The following COL21A1 variants were observed in gnomAD, a reference collection of about 807,000 sequenced individuals.
COL21A1 encodes the protein collagen type XXI alpha 1 chain.
Under a neutral mutation model 137.9 loss-of-function variants are expected in COL21A1, and 149 were observed. The ratio of observed to expected loss-of-function variants is 1.08; its 90% CI spans 0.95 to 1.24. The LOEUF is 1.24. Ranked by LOEUF, COL21A1 falls within the 50% of genes most tolerant of loss-of-function variation. The probability of loss-of-function intolerance (pLI) is 0.00; values close to 1 mark genes in which losing one functional copy is unlikely to be tolerated. For synonymous variants in COL21A1, 456 were observed against 391.5 expected (o/e 1.16, Z -1.95); for missense variants, 1,167 against 1,158.4 (o/e 1.01, Z -0.11).
chr6:56,236,184 T>C (rs1264576694), intron 1 of COL21A1, among the ~76,000 whole-genome samples: 1 of 151,972 alleles, frequency 6.6e-6, no homozygotes, highest in Non-Finnish European at 1.5e-5. Flanking sequence ...GGTTTCAGAA[T>C]ATGATGTTCC....
chr6:56,311,166 T>C (rs1274040104), intron 1 of COL21A1, among the ~76,000 whole-genome samples: 1 of 152,226 alleles, frequency 6.6e-6, no homozygotes, highest in Non-Finnish European at 1.5e-5. Flanking sequence ...ACAATGACCC[T>C]TTTCCTGGCC....
chr6:56,240,567 T>C (rs1782233984), intron 1 of COL21A1, among the ~76,000 whole-genome samples: 1 of 152,230 alleles, frequency 6.6e-6, no homozygotes, highest in Non-Finnish European at 1.5e-5. Context: ...AAGGATCCAA[T>C]GACTTCATGC....
Position 56,168,302 on chromosome 6 carries a change from A to G in COL21A1, c.1027-5T>C, listed in dbSNP as rs1776756000. The G allele has an allele frequency of 6.6e-7, 1 of 1,525,382 alleles. No individual in the cohort carries two copies. The highest frequency in any genetic ancestry group is 8.9e-7 in the Non-Finnish European group (1 of 1,128,970). 94.5% of individuals were successfully genotyped at this position (1,525,382 alleles called of 1,614,324 possible). A position where few individuals can be genotyped will look rare whatever the true frequency, so the allele number is the denominator to read the frequency against. ...CCAGCCTTCATCAAACAACGTCTAC[A>G]AAAAGAAAGTGTGGAAGATTCATAA... On this transcript the variant is annotated splice_region_variant and splice_polypyrimidine_tract_variant and intron_variant, in intron 5 of 29. Transcript: ENST00000244728.
intron 1 of COL21A1, among the ~76,000 whole-genome samples, chr6:56,359,883 C>T (rs913302830): frequency 5.9e-5 from 9 of 152,122 alleles, no homozygotes; most frequent in Non-Finnish European, 1.2e-4. Context: ...AAACATATTC[C>T]TTAATCTAAT....
At chr6:56,285,501 G>A (rs1208704656) in intron 1 of COL21A1, among the ~76,000 whole-genome samples, 1 of 152,096 alleles carries the variant, frequency 6.6e-6, no homozygotes, top group Non-Finnish European at 1.5e-5. Context: ...GGTAAATGTA[G>A]GTAAAACAAT....
chr6:56,106,171 C>A (rs555590804), intron 16 of COL21A1, among the ~76,000 whole-genome samples: 128 of 152,256 alleles, frequency 8.4e-4, no homozygotes, highest in African/African-American at 3.0e-3. Context: ...ATTCTCCAAT[C>A]AACAAAAGCT....
chr6:56,142,674 A>C (rs553556311), intron 10 of COL21A1, among the ~76,000 whole-genome samples: 2 of 152,340 alleles, frequency 1.3e-5, no homozygotes, highest in East Asian at 3.9e-4. Flanking sequence ...TAAAGTCTCC[A>C]AATTAACTTG....
chr6:56,075,928 C>T (rs1767194046), intron 18 of COL21A1, among the ~76,000 whole-genome samples: 1 of 151,416 alleles, frequency 6.6e-6, no homozygotes, highest in South Asian at 2.1e-4. Context: ...CTTCAACTTC[C>T]AGGGATGCGG....
intron 17 of COL21A1, among the ~76,000 whole-genome samples, chr6:56,085,058 C>T (rs1323623988): frequency 6.6e-6 from 1 of 151,964 alleles, no homozygotes; most frequent in Non-Finnish European, 1.5e-5. Context: ...GCTAGGAATT[C>T]GACATTTGGC....
At chr6:56,189,339 T>G (rs1778509566) in intron 1 of COL21A1, among the ~76,000 whole-genome samples, 1 of 151,366 alleles carries the variant, frequency 6.6e-6, no homozygotes, top group Non-Finnish European at 1.5e-5. Context: ...TATCAATAGC[T>G]GAATCAATCA....
At chr6:56,126,066 C>G in intron 13 of COL21A1, 30 bp downstream of exon 13, 2 of 1,427,792 alleles carry the variant, frequency 1.4e-6, no homozygotes, top group Non-Finnish European at 1.9e-6. Context: ...AATGGCTTTG[C>G]TATATTTAAA....
rs768572818 is a variant in COL21A1, at chr6:56,170,939, G to T, written c.809+21C>A. The T allele has an allele frequency of 2.5e-6, 4 of 1,592,470 alleles. No individual in the cohort carries two copies. In the South Asian group the frequency reaches 4.6e-5, roughly 18 times the overall value. On this transcript the variant is annotated intron_variant, in intron 4 of 29. Coordinates refer to ENST00000244728, the MANE Select transcript of COL21A1 (RefSeq NM_030820.4). ...ACAGACATATCCCCCCAAAAAAGTT[G>T]TGTCAACATATAATGCATACCTTGT...
chr6:56,202,404 A>T (rs533627339), intron 1 of COL21A1, among the ~76,000 whole-genome samples: 1 of 152,328 alleles, frequency 6.6e-6, no homozygotes, highest in East Asian at 1.9e-4. Context: ...AATTTAATGG[A>T]TAACTCATAA....
chr6:56,113,381 G>A (rs1049499398), intron 16 of COL21A1, among the ~76,000 whole-genome samples: 2 of 152,166 alleles, frequency 1.3e-5, no homozygotes, highest in African/African-American at 2.4e-5. Context: ...GCAGGATAGG[G>A]TACTGGCCAG....
At chr6:56,196,201 G>A (rs914879059) in intron 1 of COL21A1, among the ~76,000 whole-genome samples, 1 of 151,996 alleles carries the variant, frequency 6.6e-6, no homozygotes, top group Non-Finnish European at 1.5e-5. Context: ...CAACAAATTA[G>A]GCATGGAATG....
At chr6:56,384,100 A>T (rs2094013445) in intron 1 of COL21A1, among the ~76,000 whole-genome samples, 1 of 152,190 alleles carries the variant, frequency 6.6e-6, no homozygotes. Flanking sequence ...ACCAGAGTCC[A>T]AGAGGCTAGG....
At chr6:56,169,912 T>G (rs976620252) in intron 5 of COL21A1, among the ~76,000 whole-genome samples, 1 of 151,920 alleles carries the variant, frequency 6.6e-6, no homozygotes, top group African/African-American at 2.4e-5. Flanking sequence ...AAATAACAAT[T>G]TTTTAAATGT....
intron 1 of COL21A1, among the ~76,000 whole-genome samples, chr6:56,341,120 C>T (rs980537656): frequency 6.6e-6 from 1 of 152,074 alleles, no homozygotes; most frequent in African/African-American, 2.4e-5. Flanking sequence ...GAAGCTGGAT[C>T]CCAATATTAG....
intron 1 of COL21A1, among the ~76,000 whole-genome samples, chr6:56,227,245 G>A (rs978369289): frequency 6.6e-6 from 1 of 152,020 alleles, no homozygotes; most frequent in Non-Finnish European, 1.5e-5. Context: ...TGAATGTGCT[G>A]TGTAATATGA....
Sources: gnomAD v4.1 joint callset for allele counts (sites outside exome capture counted in the v4.1 genomes callset) on GRCh38, gnomAD v4.1.1 for gene constraint, MANE v1.5 for transcripts, NCBI Gene and HGNC (gene_info 2026-07-23, HGNC 2026-07-21) for gene names.